The following SOX5 variants were observed in gnomAD, a reference collection of about 807,000 sequenced individuals.
SOX5 encodes transcription factor SOX-5.
A neutral mutation model predicts 92.0 loss-of-function variants in SOX5; 9 were observed. The ratio of observed to expected loss-of-function variants is 0.10; its 90% CI spans 0.06 to 0.17. SOX5 has a LOEUF of 0.17. Ranked by LOEUF, SOX5 falls within the 10% of genes least tolerant of loss-of-function variation. The pLI is 1.00. For synonymous variants in SOX5, 344 were observed against 336.3 expected (o/e 1.02, Z -0.25); for missense variants, 642 against 944.5 (o/e 0.68, Z 4.20).
At chr12:23,858,257 C>T (rs2096717410) in intron 2 of SOX5, among the ~76,000 whole-genome samples, 1 of 152,008 alleles carries the variant, frequency 6.6e-6, no homozygotes, top group East Asian at 1.9e-4. Context: ...AGTAAAAAGA[C>T]AACCTACAGA....
At chr12:24,153,441 A>C (rs1951855429) in intron 4 of SOX5, among the ~76,000 whole-genome samples, 1 of 152,214 alleles carries the variant, frequency 6.6e-6, no homozygotes, top group South Asian at 2.1e-4. Context: ...ATTACATCAC[A>C]ATTTGGTATT....
chr12:23,738,118 G>T (rs776436537), intron 5 of SOX5, among the ~76,000 whole-genome samples: 3 of 152,140 alleles, frequency 2.0e-5, no homozygotes, highest in Non-Finnish European at 4.4e-5. Context: ...GGTGGTCAAT[G>T]AATATTTATC....
intron 2 of SOX5, among the ~76,000 whole-genome samples, chr12:24,294,685 T>C (rs1286702467): frequency 6.6e-6 from 1 of 152,188 alleles, no homozygotes; most frequent in Non-Finnish European, 1.5e-5. Context: ...TGCTACAACC[T>C]TCATCTCTGG....
chr12:23,810,713 A>T (rs1046628488), intron 3 of SOX5, among the ~76,000 whole-genome samples: 1 of 152,144 alleles, frequency 6.6e-6, no homozygotes, highest in Non-Finnish European at 1.5e-5. Flanking sequence ...AGCCTTTATC[A>T]GTTTTTAACA....
intron 2 of SOX5, among the ~76,000 whole-genome samples, chr12:24,317,635 C>T (rs1403322144): frequency 6.6e-6 from 1 of 152,194 alleles, no homozygotes; most frequent in Non-Finnish European, 1.5e-5. Flanking sequence ...CTCACACAAT[C>T]TCCATCTCAA....
intron 4 of SOX5, among the ~76,000 whole-genome samples, chr12:24,023,598 T>C (rs1234032454): frequency 6.6e-6 from 1 of 152,096 alleles, no homozygotes; most frequent in Non-Finnish European, 1.5e-5. Context: ...TCATTGTTCC[T>C]TTTACTGAGT....
intron 9 of SOX5, among the ~76,000 whole-genome samples, chr12:23,599,444 C>T (rs776680918): frequency 2.0e-5 from 3 of 152,174 alleles, no homozygotes; most frequent in Non-Finnish European, 2.9e-5. Context: ...GTGCTCTTGC[C>T]ATTGATAGAA....
intron 9 of SOX5, 184 bp downstream of exon 9, chr12:23,604,203 A>G (rs1592488989): frequency 1.7e-6 from 1 of 582,096 alleles, no homozygotes; most frequent in Non-Finnish European, 3.1e-6. Context: ...TGAATAAATG[A>G]ATAAATGAAT....
chr12:23,972,871 T>C (rs1453130150), intron 4 of SOX5, among the ~76,000 whole-genome samples: 1 of 152,096 alleles, frequency 6.6e-6, no homozygotes. Flanking sequence ...AACACATTAT[T>C]ACTGTGACCA....
Position 23,758,284 on chromosome 12 carries a change from A to G in SOX5, c.482-2560T>C, listed in dbSNP as rs189961278. Among the ~76,000 whole-genome samples the G allele has an allele frequency of 7.7e-4, 117 of 152,108 alleles. 1 individual carries two copies. In the East Asian group the frequency reaches 0.02, roughly 26 times the overall value. ...TGAAGACTTAGATCATGTAACATCC[A>G]TGTTACGGGTTTAAAGAGATGAAGC... On this transcript the variant is annotated intron_variant, in intron 3 of 14. Transcript: ENST00000451604.
chr12:23,802,565 T>C (rs2095681749), intron 3 of SOX5, among the ~76,000 whole-genome samples: 1 of 152,142 alleles, frequency 6.6e-6, no homozygotes, highest in Non-Finnish European at 1.5e-5. Flanking sequence ...AGCTTGCTTA[T>C]GGAAATCAGC....
chr12:23,822,419 T>G (rs1198220897), intron 3 of SOX5, among the ~76,000 whole-genome samples: 3 of 152,190 alleles, frequency 2.0e-5, no homozygotes, highest in Non-Finnish European at 4.4e-5. Context: ...TCAGTTTCCA[T>G]GTAGTTGTGT....
chr12:24,049,974 T>C (rs1957405889), intron 4 of SOX5, among the ~76,000 whole-genome samples: 1 of 149,298 alleles, frequency 6.7e-6, no homozygotes, highest in Admixed American at 6.9e-5. Context: ...GCTGGATAAC[T>C]AAGGAGATCA....
chr12:23,694,364 C>T (rs2089439356), intron 6 of SOX5, among the ~76,000 whole-genome samples: 1 of 152,122 alleles, frequency 6.6e-6, no homozygotes, highest in Admixed American at 6.5e-5. Context: ...CATTCTAGGG[C>T]TCCAATTATA....
At chr12:23,606,805 T>C (rs1480888273) in intron 8 of SOX5, among the ~76,000 whole-genome samples, 2 of 152,106 alleles carry the variant, frequency 1.3e-5, no homozygotes, top group Admixed American at 6.6e-5. Flanking sequence ...CTTTTAAATA[T>C]GGAATTAAGG....
intron 4 of SOX5, among the ~76,000 whole-genome samples, chr12:24,088,871 C>T (rs1354778329): frequency 6.6e-6 from 1 of 152,018 alleles, no homozygotes; most frequent in Non-Finnish European, 1.5e-5. Context: ...TTAAAAGTGC[C>T]TTCTTCACTG....
At chr12:23,777,702 G>A (rs1278801656) in intron 3 of SOX5, among the ~76,000 whole-genome samples, 2 of 151,832 alleles carry the variant, frequency 1.3e-5, no homozygotes, top group Non-Finnish European at 2.9e-5. Context: ...TTACTGCAGA[G>A]TCACACTATA....
chr12:23,754,223 AC>A (rs989977708), intron 4 of SOX5, among the ~76,000 whole-genome samples: 6 of 151,870 alleles, frequency 4.0e-5, no homozygotes, highest in African/African-American at 1.4e-4. Context: ...AGGGGAAAAA[AC>A]GTTTGTCCTC....
chr12:23,680,913 A>T (rs1305856267), intron 6 of SOX5, among the ~76,000 whole-genome samples: 1 of 152,082 alleles, frequency 6.6e-6, no homozygotes, highest in Non-Finnish European at 1.5e-5. Flanking sequence ...GATTTTCCAT[A>T]AAAAATAGTC....
Sources: allele counts gnomAD v4.1 joint callset (sites outside exome capture counted in the v4.1 genomes callset), GRCh38; gene constraint gnomAD v4.1.1; transcripts MANE v1.5; gene names NCBI Gene and HGNC (gene_info 2026-07-23, HGNC 2026-07-21).